LPP: variants seen among roughly 807,000 people sequenced by gnomAD.
LPP encodes the protein LIM domain containing preferred translocation partner in lipoma, also known as lipoma-preferred partner.
A neutral mutation model predicts 60.4 loss-of-function variants in LPP; 38 were observed. The ratio of observed to expected loss-of-function variants is 0.63; its 90% CI spans 0.49 to 0.83. The LOEUF (loss-of-function observed/expected upper bound fraction) is 0.83, where lower values mean the gene tolerates loss of function less well. LPP is among the 40% of genes least tolerant of loss of function. The pLI is 0.00. For missense variants in LPP, 902 were observed against 783.6 expected (o/e 1.15, Z -1.80); for synonymous variants, 328 against 290.8 (o/e 1.13, Z -1.30).
chr3:188,512,774 T>G (rs988526220), intron 5 of LPP, among the ~76,000 whole-genome samples: 7 of 152,152 alleles, frequency 4.6e-5, no homozygotes, highest in Non-Finnish European at 1.0e-4. Context: ...AGCTAATGTA[T>G]AAAGTTAACA....
intron 2 of LPP, among the ~76,000 whole-genome samples, chr3:188,241,127 C>T (rs1577487093): frequency 6.6e-6 from 1 of 152,126 alleles, no homozygotes; most frequent in African/African-American, 2.4e-5. Context: ...GTAGTGGCTG[C>T]AAGAATGATA....
chr3:188,346,471 G>T (rs1317807492), intron 3 of LPP, among the ~76,000 whole-genome samples: 1 of 150,224 alleles, frequency 6.7e-6, no homozygotes, highest in Non-Finnish European at 1.5e-5. Context: ...CACCATGTTG[G>T]TCAGGCTGCT....
rs1553796009 is a variant in LPP at position 188,154,209 on chromosome 3, G to GCCGCCA, written c.-230_-225dup. 2.6e-3 allele frequency among the ~76,000 whole-genome samples: 397 copies of GCCGCCA among 151,464 alleles called. 12 individuals are homozygous for GCCGCCA. The East Asian group carries it at 0.057, about 22-fold the overall frequency. The stretch of plus-strand genomic sequence containing the variant: ...TCCAGCCGCCGCCGCCGCCGCCGCC[G>GCCGCCA]CCGCCACCACCACCGCCGCTGCCCC... On this transcript the variant is annotated 5_prime_UTR_variant, in exon 1 of 12. Coordinates refer to ENST00000617246, the MANE Select transcript of LPP (RefSeq NM_001375462.1).
intron 2 of LPP, among the ~76,000 whole-genome samples, chr3:188,295,466 G>A (rs1414020221): frequency 6.6e-6 from 1 of 152,168 alleles, no homozygotes; most frequent in African/African-American, 2.4e-5. Context: ...TGTTCACATT[G>A]AGCAATTAGG....
chr3:188,363,563 A>C (rs751715665), intron 3 of LPP, among the ~76,000 whole-genome samples: 1 of 152,106 alleles, frequency 6.6e-6, no homozygotes, highest in Admixed American at 6.5e-5. Context: ...TGGGCTCTTT[A>C]CGTCTTTGGT....
At chr3:188,517,728 C>A (rs1485775815) in intron 5 of LPP, among the ~76,000 whole-genome samples, 1 of 152,086 alleles carries the variant, frequency 6.6e-6, no homozygotes, top group African/African-American at 2.4e-5. Flanking sequence ...CATCAGATCT[C>A]GTGAAACTTT....
At chr3:188,583,687 CAG>C (rs765179141) in intron 6 of LPP, among the ~76,000 whole-genome samples, 12 of 152,166 alleles carry the variant, frequency 7.9e-5, no homozygotes, top group Non-Finnish European at 1.5e-4. Context: ...GAGCTTAGCA[CAG>C]TGTCTAGCAG....
chr3:188,481,486 C>A (rs2149631326), intron 4 of LPP, among the ~76,000 whole-genome samples: 1 of 152,258 alleles, frequency 6.6e-6, no homozygotes, highest in East Asian at 1.9e-4. Flanking sequence ...CAAAAACATT[C>A]CACTTTTCTT....
chr3:188,306,676 C>T (rs143490361), intron 2 of LPP, among the ~76,000 whole-genome samples: 565 of 152,154 alleles, frequency 3.7e-3, no homozygotes, highest in Non-Finnish European at 5.9e-3. Flanking sequence ...AGATGCAGTG[C>T]GTGGTGGGGA....
chr3:188,803,867 T>C (rs1748094145), intron 9 of LPP, among the ~76,000 whole-genome samples: 1 of 152,132 alleles, frequency 6.6e-6, no homozygotes, highest in African/African-American at 2.4e-5. Flanking sequence ...TTGATTAGAA[T>C]TGTTGAATGT....
chr3:188,592,350 A>G (rs1838903074), intron 6 of LPP, among the ~76,000 whole-genome samples: 1 of 151,802 alleles, frequency 6.6e-6, no homozygotes, highest in South Asian at 2.1e-4. Context: ...ACACACGCAC[A>G]CAGTCACACA....
intron 9 of LPP, among the ~76,000 whole-genome samples, chr3:188,837,421 A>ATCATC (rs1758773812): frequency 1.4e-5 from 2 of 141,668 alleles, no homozygotes; most frequent in African/African-American, 5.3e-5. Flanking sequence ...TAATAATAAT[A>ATCATC]ATCTGTGCTT....
chr3:188,835,233 A>G (rs1758118765), intron 9 of LPP, among the ~76,000 whole-genome samples: 1 of 151,512 alleles, frequency 6.6e-6, no homozygotes, highest in Non-Finnish European at 1.5e-5. Context: ...CGAGGGGGGC[A>G]GATCACTTGA....
At chr3:188,364,806 G>T (rs1161440430) in intron 3 of LPP, among the ~76,000 whole-genome samples, 1 of 152,172 alleles carries the variant, frequency 6.6e-6, no homozygotes, top group Non-Finnish European at 1.5e-5. Context: ...GCCTGTTATT[G>T]TAGGTGGGAC....
At chr3:188,464,463 A>C (rs1369313098) in intron 4 of LPP, among the ~76,000 whole-genome samples, 1 of 152,190 alleles carries the variant, frequency 6.6e-6, no homozygotes, top group Non-Finnish European at 1.5e-5. Flanking sequence ...CCACTGCAGA[A>C]AGTTCTGTGG....
intron 2 of LPP, among the ~76,000 whole-genome samples, chr3:188,278,383 T>C (rs1297996664): frequency 1.3e-5 from 2 of 152,334 alleles, no homozygotes; most frequent in South Asian, 2.1e-4. Context: ...CCAAAGACTA[T>C]GTAGGTGGTT....
chr3:188,415,357 C>T (rs138727849), intron 4 of LPP, among the ~76,000 whole-genome samples: 406 of 152,152 alleles, frequency 2.7e-3, no homozygotes, highest in Non-Finnish European at 4.6e-3. Context: ...TTTGTAGCCA[C>T]GATGGAAAAC....
At chr3:188,727,702 G>A (rs1455903614) in intron 8 of LPP, among the ~76,000 whole-genome samples, 1 of 152,082 alleles carries the variant, frequency 6.6e-6, no homozygotes, top group Non-Finnish European at 1.5e-5. Context: ...GTGCCAAGCA[G>A]CATGCTGAAC....
intron 2 of LPP, among the ~76,000 whole-genome samples, chr3:188,318,251 C>T (rs558860040): frequency 6.6e-6 from 1 of 152,208 alleles, no homozygotes; most frequent in African/African-American, 2.4e-5. Context: ...AAAAAATGTT[C>T]AGGAGGAATT....
Sources: gnomAD v4.1 joint callset for allele counts (sites outside exome capture counted in the v4.1 genomes callset) on GRCh38, gnomAD v4.1.1 for gene constraint, MANE v1.5 for transcripts, NCBI Gene and HGNC (gene_info 2026-07-23, HGNC 2026-07-21) for gene names.